The following ANKFN1 variants were observed in gnomAD, a reference collection of about 807,000 sequenced individuals.
ANKFN1 encodes the protein ankyrin repeat and fibronectin type III domain containing 1.
Under a neutral mutation model 108.7 loss-of-function variants are expected in ANKFN1, and 74 were observed. That is an observed-to-expected ratio of 0.68 (90% CI 0.56 to 0.83). The LOEUF (loss-of-function observed/expected upper bound fraction) is 0.83, where lower values mean the gene tolerates loss of function less well. Among genes scored for constraint, ANKFN1 ranks in the 40% least tolerant of loss-of-function variants. ANKFN1 has a pLI of 0.00. For missense variants in ANKFN1, 1,505 were observed against 1,382.3 expected (o/e 1.09, Z -1.41); for synonymous variants, 547 against 516.2 (o/e 1.06, Z -0.81).
rs528240369 is a variant in ANKFN1, at chr17:56,187,724, C to A, written c.-70-24874C>A. ...TAGACTGGATTAAGAAAATGTGGCA[C>A]ATATACACTATGGAATACTATGCAG... On this transcript the variant is annotated intron_variant, in intron 1 of 20. Transcript: ENST00000682825. 4.1e-4 allele frequency among the ~76,000 whole-genome samples: 63 copies of A among 152,270 alleles called. No homozygotes were observed. In the South Asian group the frequency reaches 0.013, roughly 31 times the overall value.
At chr17:56,102,777 C>G (rs893541273) in intron 4 of ANKFN1, among the ~76,000 whole-genome samples, 4 of 152,178 alleles carry the variant, frequency 2.6e-5, no homozygotes, top group Admixed American at 2.6e-4. Context: ...CAGGATCTTA[C>G]TCTGTTACCC....
chr17:56,386,270 A>G (rs1029419381), intron 8 of ANKFN1, among the ~76,000 whole-genome samples: 20 of 151,288 alleles, frequency 1.3e-4, no homozygotes, highest in Non-Finnish European at 2.5e-4. Context: ...GAATTGAACA[A>G]TGAGAACACA....
intron 4 of ANKFN1, among the ~76,000 whole-genome samples, chr17:56,144,767 T>C (rs1048939430): frequency 1.3e-5 from 2 of 152,162 alleles, no homozygotes; most frequent in African/African-American, 4.8e-5. Flanking sequence ...AAATTGCAGA[T>C]GGACAGCCGA....
At chr17:56,171,803 A>G (rs1174103258) in intron 1 of ANKFN1, among the ~76,000 whole-genome samples, 1 of 152,166 alleles carries the variant, frequency 6.6e-6, no homozygotes, top group African/African-American at 2.4e-5. Flanking sequence ...GAAACAAGTG[A>G]TTGCAATGCA....
intron 1 of ANKFN1, among the ~76,000 whole-genome samples, chr17:56,211,228 G>A (rs527690141): frequency 9.2e-5 from 14 of 152,228 alleles, no homozygotes; most frequent in African/African-American, 2.9e-4. Flanking sequence ...GAATTTTTAC[G>A]ATTTCAGGTC....
chr17:56,049,869 T>C (rs199913997), intron 4 of ANKFN1, among the ~76,000 whole-genome samples: 10,445 of 151,188 alleles, frequency 0.069, 476 homozygotes, highest in East Asian at 0.16. Flanking sequence ...CATGTGTCTT[T>C]ATAGCAGCAT....
intron 3 of ANKFN1, among the ~76,000 whole-genome samples, chr17:56,321,806 G>A (rs2045375710): frequency 6.6e-6 from 1 of 152,142 alleles, no homozygotes; most frequent in Non-Finnish European, 1.5e-5. Flanking sequence ...GAATAATGAA[G>A]CCTAATGATA....
At chr17:56,204,295 C>T (rs1173222397) in intron 1 of ANKFN1, among the ~76,000 whole-genome samples, 1 of 152,090 alleles carries the variant, frequency 6.6e-6, no homozygotes. Flanking sequence ...GATCTGCCCG[C>T]CTCGGCCTCC....
chr17:56,198,868 C>T (rs1261261231), intron 1 of ANKFN1, among the ~76,000 whole-genome samples: 4 of 152,116 alleles, frequency 2.6e-5, no homozygotes, highest in South Asian at 4.1e-4. Flanking sequence ...AGGAATGTAG[C>T]TTTGGGAATG....
chr17:56,250,127 T>C (rs959776571), intron 3 of ANKFN1, among the ~76,000 whole-genome samples: 12 of 152,016 alleles, frequency 7.9e-5, no homozygotes, highest in African/African-American at 2.7e-4. Flanking sequence ...AAGACAACAA[T>C]AACCCAAGGA....
At chr17:56,279,594 C>G (rs1411196472) in intron 3 of ANKFN1, among the ~76,000 whole-genome samples, 1 of 152,096 alleles carries the variant, frequency 6.6e-6, no homozygotes, top group Non-Finnish European at 1.5e-5. Flanking sequence ...TTCCCCCTCT[C>G]TCTGTTTTTT....
At chr17:56,257,619 C>T (rs770767964) in intron 3 of ANKFN1, among the ~76,000 whole-genome samples, 9 of 152,128 alleles carry the variant, frequency 5.9e-5, no homozygotes, top group Non-Finnish European at 1.0e-4. Context: ...CTCCAGGCTA[C>T]GGGGAAATGA....
At chr17:56,097,652 C>G (rs928894862) in intron 4 of ANKFN1, among the ~76,000 whole-genome samples, 3 of 152,226 alleles carry the variant, frequency 2.0e-5, no homozygotes, top group Non-Finnish European at 4.4e-5. Context: ...TCATATCACT[C>G]TTCTGCTCAG....
chr17:56,283,538 T>TATATATATATA (rs1263196279), intron 3 of ANKFN1, among the ~76,000 whole-genome samples: 2 of 150,148 alleles, frequency 1.3e-5, no homozygotes, highest in African/African-American at 5.0e-5. Context: ...TATATATATA[T>TATATATATATA]GATGGAATAC....
intron 4 of ANKFN1, among the ~76,000 whole-genome samples, chr17:56,328,516 G>T (rs1312705500): frequency 1.2e-4 from 19 of 152,146 alleles, no homozygotes; most frequent in Non-Finnish European, 8.8e-5. Flanking sequence ...GTAACCCAAA[G>T]GATGTGGAAT....
At chr17:56,122,807 C>A (rs922226152) in intron 4 of ANKFN1, among the ~76,000 whole-genome samples, 2 of 152,190 alleles carry the variant, frequency 1.3e-5, no homozygotes, top group Non-Finnish European at 2.9e-5. Context: ...GGCACTAAAG[C>A]ATTGGTCTTG....
chr17:56,119,677 C>G (rs563296770), intron 4 of ANKFN1, among the ~76,000 whole-genome samples: 1 of 152,180 alleles, frequency 6.6e-6, no homozygotes, highest in South Asian at 2.1e-4. Context: ...GTTCCAAGTT[C>G]AATTATACTT....
intron 6 of ANKFN1, among the ~76,000 whole-genome samples, chr17:56,366,917 G>A (rs2046678219): frequency 6.6e-6 from 1 of 152,138 alleles, no homozygotes; most frequent in African/African-American, 2.4e-5. Flanking sequence ...TTTAAAATTC[G>A]GAGTTGTATG....
In ANKFN1 at chr17:56,515,784, A is replaced by G. The variant is rs2051899586; in HGVS notation, c.*4515A>G. 6.6e-6 allele frequency among the ~76,000 whole-genome samples: 1 copy of G among 152,192 alleles called. No individual in the cohort carries two copies. The highest frequency in any genetic ancestry group is 2.4e-5 in the African/African-American group (1 of 41,454). On this transcript the variant is annotated 3_prime_UTR_variant, in exon 21 of 21. Transcript: ENST00000682825. ...TTTTTCCACTGCATCTGCACACAGT[A>G]GTTATATTTGTTTTTTCAATTATTT...
Sources: gnomAD v4.1 joint callset for allele counts (sites outside exome capture counted in the v4.1 genomes callset) on GRCh38, gnomAD v4.1.1 for gene constraint, MANE v1.5 for transcripts, NCBI Gene and HGNC (gene_info 2026-07-23, HGNC 2026-07-21) for gene names.